Variants in DCDC1 observed in about 807,000 individuals in gnomAD.
DCDC1 encodes the protein doublecortin domain-containing protein 1.
In DCDC1, 200 loss-of-function variants were observed where a neutral mutation model predicts 178.3. The ratio of observed to expected loss-of-function variants is 1.12; its 90% confidence interval spans 1.00 to 1.26. The LOEUF (loss-of-function observed/expected upper bound fraction) is 1.26. Among genes scored for constraint, DCDC1 ranks in the 50% most tolerant of loss-of-function variants. The pLI is 0.00. For missense variants in DCDC1, 1,983 were observed against 1,749.2 expected (o/e 1.13, Z -2.38); for synonymous variants, 690 against 604.8 (o/e 1.14, Z -2.07).
chr11:30,992,681 A>G (rs1951054752), intron 20 of DCDC1: 1 of 152,222 alleles, frequency 6.6e-6, no homozygotes, highest in Admixed American at 6.5e-5. Flanking sequence ...TGAGAGACAC[A>G]AAGCTAAAGG....
intron 9 of DCDC1, among the ~76,000 whole-genome samples, chr11:31,175,889 T>A (rs1444328801): frequency 2.0e-5 from 3 of 152,108 alleles, no homozygotes; most frequent in Non-Finnish European, 2.9e-5. Context: ...CAGACACCTA[T>A]CTACAGGAAA....
rs1327174768 is a variant in DCDC1 at position 31,071,155 on chromosome 11, C to T, written c.2299-6002G>A. 2.0e-5 allele frequency among the ~76,000 whole-genome samples: 3 copies of T among 152,140 alleles called. No individual in the cohort carries two copies. In the East Asian group the frequency reaches 5.8e-4, roughly 29 times the overall value. ...TAATAAATAAAATATTGTTTTCTTA[C>T]CCGATTTTTCTCAATTAACAACATT... On this transcript the variant is annotated intron_variant, in intron 18 of 38. Transcript: ENST00000684477.
intron 3 of DCDC1, among the ~76,000 whole-genome samples, chr11:31,326,078 A>G (rs2137833901): frequency 6.6e-6 from 1 of 152,248 alleles, no homozygotes; most frequent in East Asian, 1.9e-4. Flanking sequence ...ACAGCTTTCC[A>G]TTTGATTGCC....
intron 15 of DCDC1, among the ~76,000 whole-genome samples, chr11:31,099,589 G>A (rs566881592): frequency 6.6e-6 from 1 of 152,262 alleles, no homozygotes; most frequent in African/African-American, 2.4e-5. Context: ...CAATGTCATT[G>A]TAAATGGCGC....
intron 20 of DCDC1, among the ~76,000 whole-genome samples, chr11:31,037,432 CTTTTTTTTTTT>C (rs398055131): frequency 8.5e-5 from 5 of 58,908 alleles, no homozygotes; most frequent in Non-Finnish European, 1.8e-4. Context: ...ATATTTCTTT[CTTTTTTTTTTT>C]TTTTTTTGAG....
At chr11:31,068,063 A>C (rs980177457) in intron 18 of DCDC1, among the ~76,000 whole-genome samples, 1 of 152,180 alleles carries the variant, frequency 6.6e-6, no homozygotes, top group African/African-American at 2.4e-5. Context: ...TTTTTCAATT[A>C]AAACAGTATA....
In DCDC1 at chr11:31,024,441, AAG is replaced by A. The variant is rs550162764; in HGVS notation, c.2591+40026_2591+40027del. On this transcript the variant is annotated intron_variant, in intron 20 of 38. Coordinates refer to ENST00000684477, the MANE Select transcript of DCDC1 (RefSeq NM_001387274.1). ...GTAAAAATACATATCATAATAAAGA[AAG>A]TACTATATAATGTTTTTTAAAAAGA... Among the ~76,000 whole-genome samples, 640 of 152,088 alleles carry A rather than the reference AAG, an allele frequency of 4.2e-3. 1 individual carries two copies. Among genetic ancestry groups the A allele is most frequent in the African/African-American group, 0.015 (619 of 41,554 alleles).
intron 7 of DCDC1, among the ~76,000 whole-genome samples, chr11:31,273,632 T>C (rs537349454): frequency 6.6e-6 from 1 of 152,294 alleles, no homozygotes; most frequent in Admixed American, 6.5e-5. Flanking sequence ...TCTTTTGAGC[T>C]CTCCAAACTG....
In DCDC1 at chr11:30,878,527, T is replaced by G. The variant is rs1942349750; in HGVS notation, c.*40+17A>C. On this transcript the variant is annotated intron_variant, in intron 38 of 38. Coordinates refer to ENST00000684477, the MANE Select transcript of DCDC1 (RefSeq NM_001387274.1). Reference sequence around the variant, plus strand: ...CATAATGTCATAACAAACATGAGTATGTGCACATAGCTATACCAGAAAAAT... The same window carrying G: ...CATAATGTCATAACAAACATGAGTAGGTGCACATAGCTATACCAGAAAAAT... 2.0e-6 allele frequency: 3 copies of G among 1,504,274 alleles called. No individual in the cohort carries two copies. Among genetic ancestry groups the G allele is most frequent in the Non-Finnish European group, 2.7e-6 (3 of 1,125,306 alleles). The allele number at this position is 1,504,274 out of a possible 1,614,324, so 93.2% of individuals were successfully genotyped here.
At position 31,103,754 on chromosome 11, in the gene DCDC1, A is replaced by C. The variant is rs1444976139; in HGVS notation, c.1767T>G (p.Leu589=). 1 of 764,720 alleles carries C rather than the reference A, an allele frequency of 1.3e-6. No homozygotes were observed. The highest frequency in any genetic ancestry group is 1.3e-5 in the South Asian group (1 of 74,224). The allele number at this position is 764,720 out of a possible 1,614,324, so 47.4% of individuals were successfully genotyped here. The change falls in exon 14 of 39, where the codon CTT becomes CTG. Residue 589 remains leucine (L), a synonymous_variant. Transcript: ENST00000684477. The part of the protein sequence containing the change: ...YGRAYRSPLN[L]ALGLTFDRVS... ...CTCGGTCAAAGGTCAAACCCAAAGC[A>C]AGATTTAGTGGAGATCTGAAAAACG...
At chr11:31,082,628 G>A (rs1221991181) in intron 17 of DCDC1, among the ~76,000 whole-genome samples, 3 of 150,622 alleles carry the variant, frequency 2.0e-5, no homozygotes, top group Non-Finnish European at 4.4e-5. Flanking sequence ...ACACATATAT[G>A]TGTGTAATAC....
chr11:31,100,971 C>T (rs1958467322), intron 15 of DCDC1, among the ~76,000 whole-genome samples: 1 of 152,116 alleles, frequency 6.6e-6, no homozygotes, highest in African/African-American at 2.4e-5. Context: ...TTTCTCAAAA[C>T]CCGGCAGAAG....
At chr11:31,217,395 A>C (rs1345539900) in intron 9 of DCDC1, among the ~76,000 whole-genome samples, 1 of 152,220 alleles carries the variant, frequency 6.6e-6, no homozygotes, top group Non-Finnish European at 1.5e-5. Context: ...GGAGGACTAT[A>C]AACAACTCCG....
At chr11:31,206,678 G>C (rs983735461) in intron 9 of DCDC1, among the ~76,000 whole-genome samples, 1 of 152,112 alleles carries the variant, frequency 6.6e-6, no homozygotes, top group East Asian at 1.9e-4. Flanking sequence ...CCCTCCAAAA[G>C]TGCTGGGATT....
chr11:30,911,804 T>C (rs1945468547), intron 27 of DCDC1, among the ~76,000 whole-genome samples: 1 of 152,158 alleles, frequency 6.6e-6, no homozygotes, highest in African/African-American at 2.4e-5. Context: ...GCTTCAGGCC[T>C]CCTAGTGTAC....
In DCDC1 at chr11:31,103,437, G is replaced by T. The variant is rs574736520; in HGVS notation, c.1877+207C>A. On this transcript the variant is annotated intron_variant, in intron 14 of 38. Transcript: ENST00000684477. ...CTATACTTCGCTCATGGCCCCATATGGTTTTCTAAAACTAAGGAAAGTTAA... is the reference window on the plus strand; with the variant it reads ...CTATACTTCGCTCATGGCCCCATATTGTTTTCTAAAACTAAGGAAAGTTAA... Among the ~76,000 whole-genome samples the T allele has an allele frequency of 3.9e-5, 6 of 152,188 alleles. No individual in the cohort carries two copies. In the South Asian group the frequency reaches 1.0e-3, roughly 26 times the overall value.
intron 11 of DCDC1, among the ~76,000 whole-genome samples, chr11:31,118,152 C>A (rs1385393704): frequency 6.6e-6 from 1 of 152,026 alleles, no homozygotes; most frequent in Non-Finnish European, 1.5e-5. Flanking sequence ...TAAACTAAAT[C>A]ATCAAACTTT....
At chr11:31,021,830 G>T (rs1015893219) in intron 20 of DCDC1, among the ~76,000 whole-genome samples, 1 of 152,114 alleles carries the variant, frequency 6.6e-6, no homozygotes, top group Non-Finnish European at 1.5e-5. Context: ...ATGGCTCCCT[G>T]TTACTAATTA....
At chr11:30,925,533 G>A (rs2134273739) in intron 22 of DCDC1, 125 bp from the exon 23 acceptor site, 1 of 809,790 alleles carries the variant, frequency 1.2e-6, no homozygotes, top group South Asian at 1.8e-5. Flanking sequence ...TGTTAGTCAT[G>A]AGCTGGACTC....
Sources: gnomAD v4.1 joint callset for allele counts (sites outside exome capture counted in the v4.1 genomes callset) on GRCh38, gnomAD v4.1.1 for gene constraint, MANE v1.5 for transcripts, NCBI Gene and HGNC (gene_info 2026-07-23, HGNC 2026-07-21) for gene names.